RLN2: variants seen among roughly 807,000 people sequenced by gnomAD.
RLN2 encodes the protein relaxin 2.
RLN2 carries 10 observed loss-of-function variants against 7.3 expected under a neutral mutation model. The ratio of observed to expected loss-of-function variants is 1.36; its 90% CI spans 0.84 to 2.31. The LOEUF (loss-of-function observed/expected upper bound fraction) is 2.31. RLN2 is among the 30% of genes most tolerant of loss of function. The probability of loss-of-function intolerance (pLI) is 0.00; values close to 1 mark genes in which losing one functional copy is unlikely to be tolerated. For synonymous variants in RLN2, 103 were observed against 82.3 expected (o/e 1.25, Z -1.36); for missense variants, 298 against 217.6 (o/e 1.37, Z -2.32).
the RLN2 span, among the ~76,000 whole-genome samples, chr9:5,315,884 C>T: frequency 2.0e-5 from 3 of 151,918 alleles, no homozygotes; most frequent in Non-Finnish European, 1.5e-5. Flanking sequence ...TAAAGTCTTC[C>T]CCAGACAAAC....
rs1816203055 is a variant in RLN2 at position 5,304,511 on chromosome 9, C to G, written c.70G>C (p.Ala24Pro). 1.2e-6 allele frequency: 2 copies of G among 1,613,746 alleles called. No individual in the cohort carries two copies. Among genetic ancestry groups the G allele is most frequent in the Non-Finnish European group, 1.7e-6 (2 of 1,179,942 alleles). ...ATAACTTCCTCCATCCATGAGTCCG[C>G]GACTGCTCTGGAAAATTGGTTCAGT... Reference protein sequence around the residue: ...LLLNQFSRAVADSWMEEVIKL... With the variant: ...LLLNQFSRAVPDSWMEEVIKL... The change falls in exon 1 of 2, where the codon GCG becomes CCG. Residue 24 changes from alanine to proline, a missense_variant. Transcript: ENST00000381627.
chr9:5,323,417 C>T, the RLN2 span, among the ~76,000 whole-genome samples: 1 of 151,764 alleles, frequency 6.6e-6, no homozygotes, highest in Non-Finnish European at 1.5e-5. Context: ...AAACAAATTC[C>T]TTGTCATCAT....
In RLN2 at chr9:5,300,200, G is replaced by A; in HGVS notation, c.456C>T (p.Gly152=). The A allele has an allele frequency of 6.2e-7, 1 of 1,613,910 alleles. No homozygotes were observed. The highest frequency in any genetic ancestry group is 8.5e-7 in the Non-Finnish European group (1 of 1,179,846). The change falls in exon 2 of 2, where the codon GGC becomes GGT. Residue 152 remains glycine, a synonymous_variant. Coordinates refer to ENST00000381627, the MANE Select transcript of RLN2 (RefSeq NM_134441.3). ...DSSPSELKYL[G]LDTHSRKKRQ... is the part of the protein sequence containing the mutation. ...TCTTTTTTCGAGAATGAGTATCCAA[G>A]CCTAAGTATTTTAATTCTGAAGGAC...
chr9:5,308,439 A>C (rs1187061560), upstream of RLN2, among the ~76,000 whole-genome samples: 1 of 151,926 alleles, frequency 6.6e-6, no homozygotes, highest in Non-Finnish European at 1.5e-5. Flanking sequence ...TTCAAAAACA[A>C]AAACAAAACA....
intron 1 of RLN2, among the ~76,000 whole-genome samples, chr9:5,301,834 T>C (rs372001895): frequency 6.6e-6 from 1 of 151,040 alleles, no homozygotes; most frequent in Non-Finnish European, 1.5e-5. Context: ...GACAGAGGAA[T>C]AAAAAAAAAC....
At chr9:5,334,835 CT>C in the RLN2 span, 1 of 154,372 alleles carries the variant, frequency 6.5e-6, no homozygotes, top group Non-Finnish European at 1.4e-5. Flanking sequence ...CAACAAAAAC[CT>C]TTTGAAATCT....
chr9:5,318,340 T>C, the RLN2 span, among the ~76,000 whole-genome samples: 1 of 151,870 alleles, frequency 6.6e-6, no homozygotes, highest in Non-Finnish European at 1.5e-5. Context: ...AAAATGAACA[T>C]CTCGTAATAA....
At chr9:5,332,265 G>A in the RLN2 span, among the ~76,000 whole-genome samples, 50 of 152,134 alleles carry the variant, frequency 3.3e-4, 1 homozygote, top group African/African-American at 1.1e-3. Flanking sequence ...ATGTGCAGAA[G>A]TAGACTGGCT....
chr9:5,322,745 C>T, the RLN2 span, among the ~76,000 whole-genome samples: 2 of 151,958 alleles, frequency 1.3e-5, no homozygotes, highest in African/African-American at 4.8e-5. Context: ...ATCTGAGATA[C>T]CTCATTTTAC....
At position 5,299,969 on chromosome 9, in the gene RLN2, G is replaced by C; in HGVS notation, c.*129C>G. 1.9e-6 allele frequency: 1 copy of C among 526,734 alleles called. No individual in the cohort carries two copies. The highest frequency in any genetic ancestry group is 3.1e-5 in the East Asian group (1 of 32,748). The allele number at this position is 526,734 out of a possible 1,614,324, so 32.6% of individuals were successfully genotyped here. On this transcript the variant is annotated 3_prime_UTR_variant, in exon 2 of 2. Coordinates refer to ENST00000381627, the MANE Select transcript of RLN2 (RefSeq NM_134441.3). ...AAGATGTTTAGATATTCTAAGAATT[G>C]ATGGGACCTAATATCTAACAAAGAT... is the stretch of plus-strand genomic sequence containing the variant.
chr9:5,308,021 T>C (rs1295615066), upstream of RLN2, among the ~76,000 whole-genome samples: 1 of 151,950 alleles, frequency 6.6e-6, no homozygotes, highest in African/African-American at 2.4e-5. Context: ...CGGTGCTACA[T>C]TGGATCTGTT....
At chr9:5,326,742 G>A in the RLN2 span, among the ~76,000 whole-genome samples, 1 of 152,056 alleles carries the variant, frequency 6.6e-6, no homozygotes, top group African/African-American at 2.4e-5. Flanking sequence ...AGTGTAAAAG[G>A]AGGACAGGAA....
chr9:5,326,890 A>G, the RLN2 span, among the ~76,000 whole-genome samples: 307 of 152,146 alleles, frequency 2.0e-3, 3 homozygotes, highest in African/African-American at 6.8e-3. Context: ...AGAAATGAGG[A>G]AGGGGCATTA....
chr9:5,301,346 A>C (rs547152111), intron 1 of RLN2, among the ~76,000 whole-genome samples: 1 of 152,282 alleles, frequency 6.6e-6, no homozygotes, highest in East Asian at 1.9e-4. Flanking sequence ...GCACCCATTC[A>C]GCTCAGTTGA....
At chr9:5,310,295 C>T in the RLN2 span, among the ~76,000 whole-genome samples, 3 of 151,944 alleles carry the variant, frequency 2.0e-5, no homozygotes, top group African/African-American at 7.3e-5. Context: ...AGAAAGAGAA[C>T]AAAACCACGA....
chr9:5,323,351 C>T, the RLN2 span, among the ~76,000 whole-genome samples: 1 of 151,962 alleles, frequency 6.6e-6, no homozygotes, highest in Non-Finnish European at 1.5e-5. Context: ...AAAGGGTACA[C>T]AGAAGCAATT....
At chr9:5,338,156 G>C in the RLN2 span, among the ~76,000 whole-genome samples, 76,586 of 112,270 alleles carry the variant, frequency 0.68, 26,407 homozygotes, top group South Asian at 0.8. Context: ...CATTTTTCAC[G>C]CTGCATTAAT....
upstream of RLN2, among the ~76,000 whole-genome samples, chr9:5,307,274 TAGATAG>T (rs1816270673): frequency 2.7e-5 from 1 of 36,642 alleles, no homozygotes; most frequent in Non-Finnish European, 6.1e-5. Context: ...AGATAGAGGA[TAGATAG>T]ATAGATAGAT....
At chr9:5,306,016 C>A (rs1318761035), upstream of RLN2, among the ~76,000 whole-genome samples, 1 of 151,432 alleles carries the variant, frequency 6.6e-6, no homozygotes, top group Non-Finnish European at 1.5e-5. Context: ...GGTTGACAGT[C>A]CTTGTAAAAA....
Sources: allele counts gnomAD v4.1 joint callset (sites outside exome capture counted in the v4.1 genomes callset), GRCh38; gene constraint gnomAD v4.1.1; transcripts MANE v1.5; gene names NCBI Gene and HGNC (gene_info 2026-07-23, HGNC 2026-07-21).